The following PTPN2 variants were observed in gnomAD, a reference collection of about 807,000 sequenced individuals.
PTPN2 encodes the protein tyrosine-protein phosphatase non-receptor type 2.
Under a neutral mutation model 57.3 loss-of-function variants are expected in PTPN2, and 19 were observed. That is an observed-to-expected ratio of 0.33 (90% CI 0.23 to 0.49). The LOEUF is 0.49. Among genes scored for constraint, PTPN2 ranks in the 20% least tolerant of loss-of-function variants. The pLI, the probability that PTPN2 is intolerant of heterozygous loss-of-function variation, is 0.99. For missense variants in PTPN2, 358 were observed against 501.1 expected, an observed-to-expected ratio of 0.71 and a Z score of 2.73; for synonymous variants, 153 against 164.9, an observed-to-expected ratio of 0.93 and a Z score of 0.55.
chr18:12,842,489 G>T (rs1311464104), intron 2 of PTPN2, among the ~76,000 whole-genome samples: 3 of 152,222 alleles, frequency 2.0e-5, no homozygotes, highest in Non-Finnish European at 4.4e-5. Context: ...GGGTGGTCAG[G>T]ATGGGCCTTG....
At chr18:12,795,046 G>A (rs796820414) in intron 8 of PTPN2, among the ~76,000 whole-genome samples, 49 of 152,246 alleles carry the variant, frequency 3.2e-4, no homozygotes, top group African/African-American at 1.1e-3. Context: ...TTCTTGACAC[G>A]TGAATTGATG....
intron 1 of PTPN2, among the ~76,000 whole-genome samples, chr18:12,866,279 A>C (rs2145496027): frequency 1.3e-5 from 2 of 152,090 alleles, no homozygotes; most frequent in African/African-American, 4.8e-5. Flanking sequence ...TCTACTAAAA[A>C]TACAAAAAAT....
chr18:12,869,114 C>T (rs1415679050), intron 1 of PTPN2: 3 of 152,190 alleles, frequency 2.0e-5, no homozygotes, highest in Non-Finnish European at 4.4e-5. Flanking sequence ...CACACCACTA[C>T]ACCCCAGCCT....
At chr18:12,829,728 T>A (rs1041377669) in intron 4 of PTPN2, among the ~76,000 whole-genome samples, 2 of 151,864 alleles carry the variant, frequency 1.3e-5, no homozygotes, top group Admixed American at 1.3e-4. Flanking sequence ...GGGAATCAAC[T>A]TTTTTTTGGA....
At chr18:12,879,864 A>G (rs1251920428) in intron 1 of PTPN2, among the ~76,000 whole-genome samples, 1 of 152,260 alleles carries the variant, frequency 6.6e-6, no homozygotes, top group Non-Finnish European at 1.5e-5. Context: ...AAAAAAGCAC[A>G]ACTCTTCAAA....
In PTPN2 at chr18:12,794,135, G is replaced by A; in HGVS notation, c.*143C>T. On this transcript the variant is annotated 3_prime_UTR_variant, in exon 9 of 9. Coordinates refer to ENST00000309660, the MANE Select transcript of PTPN2 (RefSeq NM_002828.4). ...AAGAGTCCTGAGATGTTGGGCTTGT[G>A]ACTGTAAATATCACTTATCTGGTTG... The A allele has an allele frequency of 2.1e-6, 3 of 1,461,978 alleles. No homozygotes were observed. Among genetic ancestry groups the A allele is most frequent in the Non-Finnish European group, 2.7e-6 (3 of 1,112,656 alleles). 90.6% of individuals were successfully genotyped at this position (1,461,978 alleles called of 1,614,324 possible). A position where few individuals can be genotyped will look rare whatever the true frequency, so the allele number is the denominator to read the frequency against.
intron 1 of PTPN2, among the ~76,000 whole-genome samples, chr18:12,874,080 C>T (rs1187736182): frequency 1.3e-5 from 2 of 148,550 alleles, no homozygotes; most frequent in African/African-American, 2.5e-5. Flanking sequence ...AGTGAGGAGC[C>T]CCTCCGCCCG....
chr18:12,869,697 T>C (rs2044120546), intron 1 of PTPN2, among the ~76,000 whole-genome samples: 1 of 152,250 alleles, frequency 6.6e-6, no homozygotes, highest in African/African-American at 2.4e-5. Flanking sequence ...AATAATCTTC[T>C]GTTAAATTTT....
chr18:12,799,974 C>T (rs921853167), intron 8 of PTPN2, among the ~76,000 whole-genome samples: 2 of 152,122 alleles, frequency 1.3e-5, no homozygotes, highest in Non-Finnish European at 2.9e-5. Context: ...AATCAGACTT[C>T]TCCGCTTAGA....
Position 12,851,456 on chromosome 18 carries a change from G to A in PTPN2, c.160+7708C>T, listed in dbSNP as rs2043390684. The stretch of plus-strand genomic sequence containing the variant: ...ATTGCGCCACTGCAGTCCGCAGTCC[G>A]GCCTGGGCGACAGAGCGAGACTCCG... On this transcript the variant is annotated intron_variant, in intron 2 of 8. Coordinates refer to ENST00000309660, the MANE Select transcript of PTPN2 (RefSeq NM_002828.4). 1.7e-5 allele frequency among the ~76,000 whole-genome samples: 2 copies of A among 117,214 alleles called. 1 individual carries two copies. Among genetic ancestry groups the A allele is most frequent in the African/African-American group, 6.2e-5 (2 of 32,338 alleles). The allele number at this position is 117,214 out of a possible 152,430, so 76.9% of individuals were successfully genotyped here.
chr18:12,884,213 AGAGCGCT>A lies in PTPN2; in HGVS notation c.-79_-73del. On this transcript the variant is annotated 5_prime_UTR_variant, in exon 1 of 9. An upstream open reading frame in the 5' UTR loses its in-frame stop. Coordinates refer to ENST00000309660, the MANE Select transcript of PTPN2 (RefSeq NM_002828.4). Reference sequence around the variant, plus strand: ...GGCTCAGGCCCCGCACGATCCGGGGAGAGCGCTGGCGCTGCGGCGCATGCGCGCTGCG... The same window carrying A: ...GGCTCAGGCCCCGCACGATCCGGGGAGGCGCTGCGGCGCATGCGCGCTGCG... 2.4e-6 allele frequency: 3 copies of A among 1,270,186 alleles called. No individual in the cohort carries two copies. The South Asian group carries it at 4.4e-5, about 19-fold the overall frequency. 78.7% of individuals were successfully genotyped at this position (1,270,186 alleles called of 1,614,324 possible). A position where few individuals can be genotyped will look rare whatever the true frequency, so the allele number is the denominator to read the frequency against.
chr18:12,850,739 T>C (rs2043364520), intron 2 of PTPN2, among the ~76,000 whole-genome samples: 1 of 152,034 alleles, frequency 6.6e-6, no homozygotes. Context: ...AGCTATAAGA[T>C]AGGAATTTTT....
chr18:12,873,806 C>A (rs1435213815), intron 1 of PTPN2, among the ~76,000 whole-genome samples: 2 of 151,820 alleles, frequency 1.3e-5, no homozygotes, highest in African/African-American at 4.8e-5. Flanking sequence ...AAGTGATGAG[C>A]ATCTCTGCCC....
rs997602203 is a variant in PTPN2, at chr18:12,814,338, A to G, written c.723T>C (p.Asp241=). The G allele has an allele frequency of 6.3e-7, 1 of 1,594,726 alleles. No homozygotes were observed. The highest frequency in any genetic ancestry group is 8.5e-7 in the Non-Finnish European group (1 of 1,173,776). Residue 241 remains aspartate, a synonymous_variant, in exon 7 of 9, where the codon GAT becomes GAC. Transcript: ENST00000309660. ...TCAGTAACACTTGTTTTATGTTAAT[A>G]TCATCTCCTTTTTCCATCTGCAAGA... The part of the protein sequence containing the change: ...TCLVLMEKGD[D]INIKQVLLNM...
At chr18:12,876,468 GA>G (rs1226420909) in intron 1 of PTPN2, among the ~76,000 whole-genome samples, 1 of 151,640 alleles carries the variant, frequency 6.6e-6, no homozygotes, top group Non-Finnish European at 1.5e-5. Flanking sequence ...CCCTTCTCAA[GA>G]AAAAAAGAAG....
chr18:12,878,490 T>C (rs887485587), intron 1 of PTPN2, among the ~76,000 whole-genome samples: 1 of 151,856 alleles, frequency 6.6e-6, no homozygotes, highest in Non-Finnish European at 1.5e-5. Context: ...ACAAACATGG[T>C]GAAACCCCGT....
intron 2 of PTPN2, among the ~76,000 whole-genome samples, chr18:12,845,476 G>A (rs2043179188): frequency 6.6e-6 from 1 of 152,018 alleles, no homozygotes. Context: ...TTTTAATCTT[G>A]GTTTCCACGT....
downstream of PTPN2, chr18:12,787,330 A>G (rs2040868095): frequency 6.6e-6 from 1 of 152,210 alleles, no homozygotes. Context: ...TGCAGAGTGA[A>G]TCTCAGTTCT....
chr18:12,874,137 G>A (rs1481206007), intron 1 of PTPN2, among the ~76,000 whole-genome samples: 3 of 152,016 alleles, frequency 2.0e-5, no homozygotes, highest in Non-Finnish European at 2.9e-5. Flanking sequence ...CCTGGCAGCC[G>A]CCCCGTCCAG....
Sources: allele counts gnomAD v4.1 joint callset (sites outside exome capture counted in the v4.1 genomes callset), GRCh38; gene constraint gnomAD v4.1.1; transcripts MANE v1.5; gene names NCBI Gene and HGNC (gene_info 2026-07-23, HGNC 2026-07-21).